FBXL20: variants seen among roughly 807,000 people sequenced by gnomAD.
The protein encoded by FBXL20 is F-box and leucine rich repeat protein 20.
In FBXL20, 11 loss-of-function variants were observed where a neutral mutation model predicts 64.0. The observed-to-expected ratio is 0.17, with a 90% CI of 0.11 to 0.28. The LOEUF (loss-of-function observed/expected upper bound fraction) is 0.28. Ranked by LOEUF, FBXL20 falls within the 10% of genes least tolerant of loss-of-function variation. The pLI is 1.00. For missense variants in FBXL20, 303 were observed against 526.2 expected (o/e 0.58, Z 4.15); for synonymous variants, 184 against 189.0 (o/e 0.97, Z 0.22).
At chr17:39,323,453 A>G (rs930906940) in intron 2 of FBXL20, among the ~76,000 whole-genome samples, 1 of 152,190 alleles carries the variant, frequency 6.6e-6, no homozygotes, top group Non-Finnish European at 1.5e-5. Context: ...AAGCAACATA[A>G]TGTGTGACCT....
intron 1 of FBXL20, among the ~76,000 whole-genome samples, chr17:39,367,883 G>A (rs2047876386): frequency 6.6e-6 from 1 of 151,194 alleles, no homozygotes; most frequent in African/African-American, 2.4e-5. Context: ...CCTGCCTCAG[G>A]CTCCGGAGTA....
chr17:39,368,126 C>G (rs1355334788), intron 1 of FBXL20, among the ~76,000 whole-genome samples: 1 of 152,166 alleles, frequency 6.6e-6, no homozygotes, highest in South Asian at 2.1e-4. Context: ...CAGTGGCTTA[C>G]TCCTATAATC....
intron 1 of FBXL20, among the ~76,000 whole-genome samples, chr17:39,394,040 G>A (rs999964192): frequency 6.6e-6 from 1 of 152,130 alleles, no homozygotes; most frequent in Admixed American, 6.6e-5. Flanking sequence ...GCTCTTCTGA[G>A]CCAATATTTG....
At chr17:39,366,682 C>G (rs928375972) in intron 1 of FBXL20, among the ~76,000 whole-genome samples, 2 of 152,188 alleles carry the variant, frequency 1.3e-5, no homozygotes, top group Non-Finnish European at 2.9e-5. Flanking sequence ...ATCCTTTCCA[C>G]TGAAGATATC....
chr17:39,281,240 G>A (rs566026988), intron 9 of FBXL20, 149 bp downstream of exon 9: 21 of 679,140 alleles, frequency 3.1e-5, no homozygotes, highest in African/African-American at 1.8e-4. Context: ...TGTTAAGCAC[G>A]TCAAAAGTCA....
At chr17:39,365,185 A>G (rs1392618121) in intron 1 of FBXL20, among the ~76,000 whole-genome samples, 1 of 152,216 alleles carries the variant, frequency 6.6e-6, no homozygotes, top group Non-Finnish European at 1.5e-5. Context: ...AAGATTTTTT[A>G]AATGTGTATT....
intron 6 of FBXL20, 83 bp from the exon 7 acceptor site, chr17:39,285,656 C>T (rs557473096): frequency 1.2e-6 from 1 of 823,176 alleles, no homozygotes; most frequent in East Asian, 2.9e-5. Context: ...TCTTATTAAA[C>T]ACATGTGTAT....
At chr17:39,401,628 C>G (rs2048246598), upstream of FBXL20, 3 of 1,389,216 alleles carry the variant, frequency 2.2e-6, no homozygotes, top group Non-Finnish European at 2.8e-6. Flanking sequence ...GCTCTCTCCT[C>G]AGCCTCAACT....
At chr17:39,264,110 GAAAAA>G (rs750932938) in intron 14 of FBXL20, 60 bp downstream of exon 14, 6 of 1,495,026 alleles carry the variant, frequency 4.0e-6, no homozygotes, top group Non-Finnish European at 5.5e-6. Flanking sequence ...TTGAAAAAAG[GAAAAA>G]AAAAGAGAGA....
chr17:39,264,168 T>C lies in FBXL20; in HGVS notation c.1203+7A>G. 6.2e-7 allele frequency: 1 copy of C among 1,613,902 alleles called. No homozygotes were observed. Among genetic ancestry groups the C allele is most frequent in the Non-Finnish European group, 8.5e-7 (1 of 1,179,786 alleles). Reference sequence around the variant, plus strand: ...CTAGAGTTGGAGAGTTATGTAGCCATTTTTACCCTGAGTCTCTTGATTCCA... The same window carrying C: ...CTAGAGTTGGAGAGTTATGTAGCCACTTTTACCCTGAGTCTCTTGATTCCA... On this transcript the variant is annotated splice_region_variant and intron_variant, in intron 14 of 14. Transcript: ENST00000264658.
intron 1 of FBXL20, among the ~76,000 whole-genome samples, chr17:39,389,684 G>A (rs1295082122): frequency 6.6e-6 from 1 of 152,102 alleles, no homozygotes; most frequent in African/African-American, 2.4e-5. Context: ...CAGGTGTGGT[G>A]GCAGGTGCCT....
chr17:39,318,684 G>T (rs1321857759), intron 2 of FBXL20, among the ~76,000 whole-genome samples: 6 of 152,106 alleles, frequency 3.9e-5, no homozygotes, highest in Non-Finnish European at 7.4e-5. Flanking sequence ...AGGTTTCAGT[G>T]AGCCGAGATC....
intron 10 of FBXL20, 47 bp from the exon 11 acceptor site, chr17:39,270,903 T>C: frequency 6.8e-7 from 1 of 1,464,078 alleles, no homozygotes; most frequent in Non-Finnish European, 9.3e-7. Context: ...TCTTGGTCCC[T>C]GAAAACTGAG....
chr17:39,290,381 CTAT>C (rs1279591087), intron 6 of FBXL20, among the ~76,000 whole-genome samples: 1 of 152,060 alleles, frequency 6.6e-6, no homozygotes, highest in Non-Finnish European at 1.5e-5. Context: ...AATCCTTCCT[CTAT>C]TGCATTAGGC....
At chr17:39,361,784 G>A (rs1399842807) in intron 1 of FBXL20, among the ~76,000 whole-genome samples, 4 of 152,032 alleles carry the variant, frequency 2.6e-5, no homozygotes, top group South Asian at 4.2e-4. Flanking sequence ...GCGACAGAGC[G>A]AGACTCCGTC....
chr17:39,346,655 CAACA>C (rs72070238), intron 1 of FBXL20, among the ~76,000 whole-genome samples: 32,462 of 151,222 alleles, frequency 0.21, 3,948 homozygotes, highest in African/African-American at 0.33. Context: ...GGTTTCAGTG[CAACA>C]AACAGACTAC....
intron 2 of FBXL20, among the ~76,000 whole-genome samples, chr17:39,310,716 T>C (rs956743954): frequency 6.6e-6 from 1 of 152,058 alleles, no homozygotes; most frequent in African/African-American, 2.4e-5. Flanking sequence ...CTGGGCTTGG[T>C]GGCTCAAGCC....
intron 6 of FBXL20, among the ~76,000 whole-genome samples, chr17:39,288,637 A>C (rs1261607684): frequency 6.6e-6 from 1 of 151,338 alleles, no homozygotes; most frequent in African/African-American, 2.4e-5. Context: ...TTATTTTTTT[A>C]ATTTTTTCCC....
intron 1 of FBXL20, among the ~76,000 whole-genome samples, chr17:39,343,950 G>C: frequency 6.6e-6 from 1 of 151,978 alleles, no homozygotes; most frequent in Middle Eastern, 3.2e-3. Flanking sequence ...CACAACTTCT[G>C]CCACCTAGGT....
Sources: allele counts gnomAD v4.1 joint callset (sites outside exome capture counted in the v4.1 genomes callset), GRCh38; gene constraint gnomAD v4.1.1; transcripts MANE v1.5; gene names NCBI Gene and HGNC (gene_info 2026-07-23, HGNC 2026-07-21).